The following STK31 variants were observed in gnomAD, a reference collection of about 807,000 sequenced individuals.
The protein encoded by STK31 is serine/threonine kinase 31.
In STK31, 89 loss-of-function variants were observed where a neutral mutation model predicts 129.7. The observed-to-expected ratio is 0.69, with a 90% CI of 0.58 to 0.82. The LOEUF (loss-of-function observed/expected upper bound fraction) is 0.82, where lower values mean the gene tolerates loss of function less well. STK31 is among the 40% of genes least tolerant of loss of function. The pLI is 0.00. For synonymous variants in STK31, 448 were observed against 395.3 expected, an observed-to-expected ratio of 1.13 and a Z score of -1.58; for missense variants, 1,187 against 1,176.4, an observed-to-expected ratio of 1.01 and a Z score of -0.13.
At chr7:23,731,585 C>T (rs969865761) in intron 6 of STK31, among the ~76,000 whole-genome samples, 3 of 152,180 alleles carry the variant, frequency 2.0e-5, no homozygotes, top group African/African-American at 7.2e-5. Context: ...AACACAAATA[C>T]CTCCTTCCTT....
At chr7:23,802,505 A>G (rs1264752680) in intron 22 of STK31, among the ~76,000 whole-genome samples, 1 of 152,090 alleles carries the variant, frequency 6.6e-6, no homozygotes, top group African/African-American at 2.4e-5. Flanking sequence ...GGGAGCGCCA[A>G]GAAGCTTTAT....
At chr7:23,826,692 C>A (rs1227660185) in intron 23 of STK31, among the ~76,000 whole-genome samples, 1 of 152,100 alleles carries the variant, frequency 6.6e-6, no homozygotes, top group Non-Finnish European at 1.5e-5. Flanking sequence ...TCTTCCTAGC[C>A]TTGATGGTCT....
At position 23,710,683 on chromosome 7, in the gene STK31, T is replaced by C. The variant is rs116375111; in HGVS notation, c.50+348T>C. ...CTACGTGTACCCGTTTCTTCCAAAT[T>C]TTCATCACGAAGTGGAGATTTGGAC... On this transcript the variant is annotated intron_variant, in intron 1 of 23. Transcript: ENST00000355870. 1.7e-3 allele frequency: 1,896 copies of C among 1,114,720 alleles called. 32 individuals carry two copies. In the African/African-American group the frequency reaches 0.029, roughly 17 times the overall value. The allele number at this position is 1,114,720 out of a possible 1,614,324, so 69.1% of individuals were successfully genotyped here. A position where few individuals can be genotyped will look rare whatever the true frequency, so the allele number is the denominator to read the frequency against.
intron 8 of STK31, among the ~76,000 whole-genome samples, chr7:23,740,213 A>T (rs961232654): frequency 6.6e-6 from 1 of 152,150 alleles, no homozygotes; most frequent in African/African-American, 2.4e-5. Flanking sequence ...AGTTGCTGGG[A>T]CTACAGGCGA....
At position 23,812,275 on chromosome 7, in the gene STK31, G is replaced by A. The variant is rs534058377; in HGVS notation, c.2761-2869G>A. 3.3e-5 allele frequency among the ~76,000 whole-genome samples: 5 copies of A among 151,106 alleles called. No individual in the cohort carries two copies. In the South Asian group the frequency reaches 6.3e-4, roughly 19 times the overall value. On this transcript the variant is annotated intron_variant, in intron 22 of 23. Coordinates refer to ENST00000355870, the MANE Select transcript of STK31 (RefSeq NM_031414.5). ...AGTTGAAAAATGTGCTACTTCCTTC[G>A]GTCTCCATAATTTCATATGATAAAC...
chr7:23,786,745 A>G lies in STK31; in HGVS notation c.2401-93A>G, dbSNP rs2128111453. Reference sequence around the variant, plus strand: ...AGAGCAGCAGTTCATTCCCCTTAACATAAAAGAAAAATTATCCCATAGAAT... The same window carrying G: ...AGAGCAGCAGTTCATTCCCCTTAACGTAAAAGAAAAATTATCCCATAGAAT... On this transcript the variant is annotated intron_variant, in intron 19 of 23. Transcript: ENST00000355870. 3.2e-6 allele frequency: 5 copies of G among 1,543,532 alleles called. No individual in the cohort carries two copies. The South Asian group carries it at 6.0e-5, about 19-fold the overall frequency.
intron 21 of STK31, among the ~76,000 whole-genome samples, chr7:23,790,573 A>G (rs922796178): frequency 6.6e-6 from 1 of 152,202 alleles, no homozygotes; most frequent in Admixed American, 6.6e-5. Flanking sequence ...GTTTAATCAC[A>G]GAATAAGTGG....
chr7:23,746,083 G>A (rs1468900446), intron 8 of STK31, among the ~76,000 whole-genome samples: 3 of 152,200 alleles, frequency 2.0e-5, no homozygotes, highest in African/African-American at 7.2e-5. Flanking sequence ...GGAGTTGTAG[G>A]GGATGTTGGG....
intron 11 of STK31, among the ~76,000 whole-genome samples, chr7:23,768,532 T>C (rs909154391): frequency 1.3e-5 from 2 of 152,170 alleles, no homozygotes; most frequent in African/African-American, 2.4e-5. Context: ...GTGATTCTTA[T>C]GATAGACAAA....
intron 1 of STK31, among the ~76,000 whole-genome samples, chr7:23,711,423 T>TG (rs1238114520): frequency 7.2e-5 from 10 of 138,202 alleles, no homozygotes; most frequent in South Asian, 2.2e-4. Context: ...AGACTTCGTT[T>TG]GGGGGGAAAA....
rs182508221 is a variant in STK31 at position 23,758,040 on chromosome 7, G to A, written c.1293+3566G>A. 1.4e-3 allele frequency among the ~76,000 whole-genome samples: 206 copies of A among 152,308 alleles called. 1 individual carries two copies. The highest frequency in any genetic ancestry group is 2.4e-3 in the Non-Finnish European group (161 of 68,016). On this transcript the variant is annotated intron_variant, in intron 10 of 23. Coordinates refer to ENST00000355870, the MANE Select transcript of STK31 (RefSeq NM_031414.5). ...CACAGCACATGTCGTAGGGAGCACA[G>A]GGTTGGGGGTAGGGTTGCAGATTAA...
At chr7:23,818,114 A>G (rs1192768109) in intron 23 of STK31, among the ~76,000 whole-genome samples, 1 of 152,078 alleles carries the variant, frequency 6.6e-6, no homozygotes, top group Admixed American at 6.6e-5. Flanking sequence ...ATATTTTTAA[A>G]TGGTTGCTTT....
intron 20 of STK31, among the ~76,000 whole-genome samples, chr7:23,787,697 T>C (rs765635655): frequency 4.0e-5 from 6 of 151,150 alleles, no homozygotes; most frequent in Non-Finnish European, 7.4e-5. Context: ...ATGGAAAAAT[T>C]GTCTTTCATG....
At chr7:23,772,511 C>G (rs1257149596) in intron 15 of STK31, among the ~76,000 whole-genome samples, 1 of 152,066 alleles carries the variant, frequency 6.6e-6, no homozygotes, top group African/African-American at 2.4e-5. Flanking sequence ...TTTTCCTAGG[C>G]TGCCTTGGTT....
intron 10 of STK31, among the ~76,000 whole-genome samples, chr7:23,760,204 C>G (rs144877421): frequency 3.3e-5 from 5 of 152,338 alleles, no homozygotes; most frequent in East Asian, 3.9e-4. Context: ...CCATAACTTT[C>G]CCTAGCACCT....
At chr7:23,781,309 T>C in intron 15 of STK31, 110 bp from the exon 16 acceptor site, 1 of 742,162 alleles carries the variant, frequency 1.3e-6, no homozygotes, top group Non-Finnish European at 2.3e-6. Flanking sequence ...TGCTAGGTAC[T>C]GAAGGATACA....
intron 4 of STK31, among the ~76,000 whole-genome samples, chr7:23,726,711 A>G (rs1273093716): frequency 6.6e-6 from 1 of 152,114 alleles, no homozygotes; most frequent in Non-Finnish European, 1.5e-5. Context: ...AAAATAAAGT[A>G]CAGTATTAAA....
chr7:23,810,729 T>TAG (rs1160949134), intron 22 of STK31, among the ~76,000 whole-genome samples: 1 of 32,970 alleles, frequency 3.0e-5, no homozygotes, highest in Admixed American at 5.1e-4. Flanking sequence ...ATATATAAAA[T>TAG]AGATATATAT....
At chr7:23,812,444 A>G (rs959322908) in intron 22 of STK31, among the ~76,000 whole-genome samples, 1 of 69,176 alleles carries the variant, frequency 1.4e-5, no homozygotes, top group African/African-American at 5.9e-5. Context: ...ATTTTTTTCT[A>G]TTTGGGGTTT....
Sources: gnomAD v4.1 joint callset for allele counts (sites outside exome capture counted in the v4.1 genomes callset) on GRCh38, gnomAD v4.1.1 for gene constraint, MANE v1.5 for transcripts, NCBI Gene and HGNC (gene_info 2026-07-23, HGNC 2026-07-21) for gene names.